Variants in SCHIP1 observed in about 807,000 individuals in gnomAD.
The protein encoded by SCHIP1 is schwannomin interacting protein 1.
A neutral mutation model predicts 29.7 loss-of-function variants in SCHIP1; 8 were observed. The observed-to-expected ratio is 0.27, with a 90% CI of 0.16 to 0.49. SCHIP1 has a LOEUF of 0.49. Among genes scored for constraint, SCHIP1 ranks in the 20% least tolerant of loss-of-function variants. The pLI is 0.99. For synonymous variants in SCHIP1, 76 were observed against 94.9 expected (o/e 0.80, Z 1.16); for missense variants, 193 against 294.6 (o/e 0.66, Z 2.52).
At chr3:159,759,080 A>G in the SCHIP1 span, among the ~76,000 whole-genome samples, 518 of 152,298 alleles carry the variant, frequency 3.4e-3, 5 homozygotes, top group African/African-American at 0.012. Flanking sequence ...CATTTTTTTA[A>G]TTGAGGAAAA....
chr3:159,693,081 C>T, the SCHIP1 span, among the ~76,000 whole-genome samples: 1 of 151,996 alleles, frequency 6.6e-6, no homozygotes, highest in African/African-American at 2.4e-5. Context: ...AGACTGAAAC[C>T]TTTTTAAATC....
the SCHIP1 span, among the ~76,000 whole-genome samples, chr3:159,803,375 G>A: frequency 5.3e-5 from 8 of 152,300 alleles, no homozygotes; most frequent in African/African-American, 1.9e-4. Context: ...CCTAGGATAG[G>A]AATTCTAGAA....
At chr3:159,725,719 A>G in the SCHIP1 span, among the ~76,000 whole-genome samples, 1 of 152,218 alleles carries the variant, frequency 6.6e-6, no homozygotes. Flanking sequence ...CACTGGCAAT[A>G]ATCGCAATGA....
chr3:159,600,527 TA>T, the SCHIP1 span, among the ~76,000 whole-genome samples: 1 of 152,228 alleles, frequency 6.6e-6, no homozygotes. Context: ...TCTTCAGTTC[TA>T]AAAACTCTGG....
chr3:159,811,853 A>G, the SCHIP1 span, among the ~76,000 whole-genome samples: 1 of 152,182 alleles, frequency 6.6e-6, no homozygotes, highest in African/African-American at 2.4e-5. Flanking sequence ...AATTATGTTG[A>G]ATCTATAGAT....
chr3:159,855,549 A>G (rs112527587), intron 1 of SCHIP1, among the ~76,000 whole-genome samples: 17 of 152,296 alleles, frequency 1.1e-4, no homozygotes, highest in African/African-American at 3.8e-4. Context: ...CATATATTTT[A>G]TTCAGAAATA....
the SCHIP1 span, among the ~76,000 whole-genome samples, chr3:159,540,497 T>A: frequency 1.3e-5 from 2 of 152,140 alleles, no homozygotes; most frequent in African/African-American, 4.8e-5. Context: ...GGAGCAAATC[T>A]GCCTCCAAGG....
the SCHIP1 span, among the ~76,000 whole-genome samples, chr3:159,501,212 T>G: frequency 1.3e-5 from 2 of 152,218 alleles, no homozygotes; most frequent in Non-Finnish European, 2.9e-5. Context: ...GGCTGTGTTC[T>G]TATCTATTGC....
the SCHIP1 span, among the ~76,000 whole-genome samples, chr3:159,587,176 A>T: frequency 6.6e-6 from 1 of 152,212 alleles, no homozygotes; most frequent in Non-Finnish European, 1.5e-5. Context: ...CCTGGAAAGC[A>T]GTTCGTAATT....
chr3:159,287,469 CT>C, the SCHIP1 span, among the ~76,000 whole-genome samples: 4 of 151,658 alleles, frequency 2.6e-5, no homozygotes, highest in African/African-American at 9.7e-5. Flanking sequence ...GCTTTATTAT[CT>C]TTTAGTAATT....
chr3:159,410,570 A>G, the SCHIP1 span, among the ~76,000 whole-genome samples: 1 of 152,222 alleles, frequency 6.6e-6, no homozygotes, highest in Non-Finnish European at 1.5e-5. Context: ...AATCAAAACT[A>G]CAATGAGATA....
At chr3:159,346,188 A>C in the SCHIP1 span, among the ~76,000 whole-genome samples, 2 of 150,026 alleles carry the variant, frequency 1.3e-5, no homozygotes, top group African/African-American at 4.9e-5. Context: ...ACTCTGTCTC[A>C]GAAAAAAAAA....
At chr3:159,691,201 C>T in the SCHIP1 span, among the ~76,000 whole-genome samples, 1 of 152,052 alleles carries the variant, frequency 6.6e-6, no homozygotes, top group Non-Finnish European at 1.5e-5. Flanking sequence ...TAAAGTCTCC[C>T]ACGATTATTG....
At chr3:159,771,239 C>T in the SCHIP1 span, among the ~76,000 whole-genome samples, 1 of 152,222 alleles carries the variant, frequency 6.6e-6, no homozygotes, top group Non-Finnish European at 1.5e-5. Flanking sequence ...ACTAAAGTAG[C>T]TTGAATGGCT....
chr3:159,460,706 A>C, the SCHIP1 span, among the ~76,000 whole-genome samples: 3 of 152,216 alleles, frequency 2.0e-5, no homozygotes, highest in East Asian at 5.8e-4. Context: ...TTTAAACGGA[A>C]GTTCCACATC....
chr3:159,565,973 T>C, the SCHIP1 span, among the ~76,000 whole-genome samples: 1 of 152,184 alleles, frequency 6.6e-6, no homozygotes, highest in Admixed American at 6.5e-5. Context: ...ACTGAGAACT[T>C]TTGCATTCAA....
the SCHIP1 span, among the ~76,000 whole-genome samples, chr3:159,736,932 C>T: frequency 1.3e-5 from 2 of 151,922 alleles, no homozygotes; most frequent in African/African-American, 4.8e-5. Context: ...GACGGGGTTT[C>T]ACCATGTTAG....
chr3:159,502,286 C>A, the SCHIP1 span, among the ~76,000 whole-genome samples: 3 of 151,984 alleles, frequency 2.0e-5, no homozygotes, highest in Non-Finnish European at 4.4e-5. Flanking sequence ...GTATTGTGTG[C>A]GTTATGTGCA....
the SCHIP1 span, among the ~76,000 whole-genome samples, chr3:159,777,831 C>T: frequency 6.6e-5 from 10 of 152,080 alleles, no homozygotes; most frequent in African/African-American, 1.2e-4. Context: ...TTTTAGCTGT[C>T]GTACATAATA....
Sources: allele counts gnomAD v4.1 joint callset (sites outside exome capture counted in the v4.1 genomes callset), GRCh38; gene constraint gnomAD v4.1.1; transcripts MANE v1.5; gene names NCBI Gene and HGNC (gene_info 2026-07-23, HGNC 2026-07-21).